LRMDA: variants seen among roughly 807,000 people sequenced by gnomAD.
The protein encoded by LRMDA is leucine rich melanocyte differentiation associated.
In LRMDA, 18 loss-of-function variants were observed where a neutral mutation model predicts 29.8. The observed-to-expected ratio is 0.60, with a 90% CI of 0.42 to 0.90. The LOEUF is 0.90. Among genes scored for constraint, LRMDA ranks in the 40% least tolerant of loss-of-function variants. The pLI is 0.00. For missense variants in LRMDA, 273 were observed against 273.9 expected (o/e 1.00, Z 0.02); for synonymous variants, 125 against 109.4 (o/e 1.14, Z -0.89).
chr10:75,450,059 G>A (rs1844442466), intron 2 of LRMDA: 1 of 152,152 alleles, frequency 6.6e-6, no homozygotes, highest in African/African-American at 2.4e-5. Context: ...AAAGGGGAGC[G>A]ATTATGCTTT....
At chr10:75,648,185 C>A (rs1314036844) in intron 2 of LRMDA, among the ~76,000 whole-genome samples, 1 of 152,146 alleles carries the variant, frequency 6.6e-6, no homozygotes, top group Non-Finnish European at 1.5e-5. Flanking sequence ...AGGGGCTGTT[C>A]TCTTTATTTA....
chr10:75,630,691 AACAT>A (rs772174976), intron 2 of LRMDA, among the ~76,000 whole-genome samples: 1 of 152,238 alleles, frequency 6.6e-6, no homozygotes, highest in African/African-American at 2.4e-5. Flanking sequence ...AGATTTCATA[AACAT>A]ACATATATAT....
At chr10:75,641,423 C>T (rs1055060580) in intron 2 of LRMDA, among the ~76,000 whole-genome samples, 1 of 138,614 alleles carries the variant, frequency 7.2e-6, no homozygotes, top group African/African-American at 2.5e-5. Context: ...TATATATATA[C>T]AGATATTATT....
intron 2 of LRMDA, among the ~76,000 whole-genome samples, chr10:75,553,407 A>G (rs763316943): frequency 3.9e-5 from 6 of 152,190 alleles, no homozygotes; most frequent in Non-Finnish European, 5.9e-5. Context: ...ACTCTAGAGA[A>G]TGGGTCTCTC....
chr10:76,072,055 T>C (rs1177285308), intron 5 of LRMDA, among the ~76,000 whole-genome samples: 8 of 152,214 alleles, frequency 5.3e-5, no homozygotes, highest in Non-Finnish European at 1.2e-4. Flanking sequence ...AAAATAGCTT[T>C]TTATTAAAAT....
At chr10:76,186,997 A>G (rs1263952787) in intron 5 of LRMDA, among the ~76,000 whole-genome samples, 1 of 152,180 alleles carries the variant, frequency 6.6e-6, no homozygotes, top group Non-Finnish European at 1.5e-5. Flanking sequence ...ATTTGATTCA[A>G]CAGTTATTTA....
chr10:75,624,018 G>A (rs80342605), intron 2 of LRMDA, among the ~76,000 whole-genome samples: 4,559 of 152,118 alleles, frequency 0.03, 163 homozygotes, highest in African/African-American at 0.078. Flanking sequence ...GGGAATATAC[G>A]GAGCAAAATT....
At chr10:75,797,550 C>T (rs1843673746) in intron 2 of LRMDA, among the ~76,000 whole-genome samples, 1 of 152,176 alleles carries the variant, frequency 6.6e-6, no homozygotes, top group African/African-American at 2.4e-5. Flanking sequence ...CCGTCACTCT[C>T]TATTCCTACC....
At position 75,454,808 on chromosome 10, in the gene LRMDA, C is replaced by A. The variant is rs1338410535; in HGVS notation, c.131+16314C>A. Among the ~76,000 whole-genome samples the A allele has an allele frequency of 2.0e-5, 3 of 152,090 alleles. 1 individual carries two copies. The highest frequency in any genetic ancestry group is 2.0e-4 in the Admixed American group (3 of 15,268). On this transcript the variant is annotated intron_variant, in intron 2 of 6. Coordinates refer to ENST00000611255, the MANE Select transcript of LRMDA (RefSeq NM_001305581.2). ...TCAATTCTTTCAGGCTGGGCTTTGG[C>A]AAGAAAAAAATCAGCCTTACCTGGG...
In LRMDA at chr10:75,962,142, G is replaced by T. The variant is rs145798209; in HGVS notation, c.132-73866G>T. On this transcript the variant is annotated intron_variant, in intron 2 of 6. Transcript: ENST00000611255. Reference sequence around the variant, plus strand: ...TAAGGTTACATTCTGAGGTACCAGGGGTTAGGACTTCAATACATGAATTTC... The same window carrying T: ...TAAGGTTACATTCTGAGGTACCAGGTGTTAGGACTTCAATACATGAATTTC... Among the ~76,000 whole-genome samples, 548 of 152,228 alleles carry T rather than the reference G, an allele frequency of 3.6e-3. 3 individuals are homozygous for T. Among genetic ancestry groups the T allele is most frequent in the African/African-American group, 0.012 (518 of 41,542 alleles).
chr10:76,312,765 T>C (rs1475612231), intron 5 of LRMDA, among the ~76,000 whole-genome samples: 2 of 151,660 alleles, frequency 1.3e-5, no homozygotes, highest in African/African-American at 4.8e-5. Flanking sequence ...CCAGAAGGGA[T>C]CTCAGTAGTG....
chr10:75,912,309 C>T (rs1443176465), intron 2 of LRMDA, among the ~76,000 whole-genome samples: 2 of 152,142 alleles, frequency 1.3e-5, no homozygotes, highest in Non-Finnish European at 2.9e-5. Flanking sequence ...TCTTCACATG[C>T]CTTTGATTGA....
At chr10:75,461,016 G>T (rs550256656) in intron 2 of LRMDA, among the ~76,000 whole-genome samples, 1 of 152,138 alleles carries the variant, frequency 6.6e-6, no homozygotes, top group Non-Finnish European at 1.5e-5. Flanking sequence ...TGAAGCCCTC[G>T]TAAGGGAAAA....
intron 4 of LRMDA, among the ~76,000 whole-genome samples, chr10:76,049,179 A>T (rs1015332702): frequency 9.9e-5 from 15 of 151,976 alleles, no homozygotes. Flanking sequence ...TAGCCTGGGC[A>T]CCCTCCAAGC....
rs1589308651 is a variant in LRMDA, at chr10:76,059,933, AAATT to A, written c.516+1155_516+1158del. Among the ~76,000 whole-genome samples, 4 of 152,332 alleles carry A rather than the reference AAATT, an allele frequency of 2.6e-5. No individual in the cohort carries two copies. In the East Asian group the frequency reaches 7.7e-4, roughly 29 times the overall value. ...ATTGTTACCTCTTTCAGCATGTGGG[AAATT>A]AATTGAGTGATTCATTTCATAGCTA... On this transcript the variant is annotated intron_variant, in intron 5 of 6. Transcript: ENST00000611255.
chr10:75,723,105 A>G (rs1842588247), intron 2 of LRMDA, among the ~76,000 whole-genome samples: 1 of 152,350 alleles, frequency 6.6e-6, no homozygotes, highest in South Asian at 2.1e-4. Flanking sequence ...TGTGCCCATT[A>G]TGGTGTTACT....
chr10:76,384,943 C>A (rs183738514), intron 6 of LRMDA, among the ~76,000 whole-genome samples: 3 of 152,160 alleles, frequency 2.0e-5, no homozygotes, highest in Non-Finnish European at 1.5e-5. Flanking sequence ...CAGTTCCAGA[C>A]GGCATGCTGA....
intron 5 of LRMDA, among the ~76,000 whole-genome samples, chr10:76,315,786 G>C (rs1263392278): frequency 6.6e-6 from 1 of 151,960 alleles, no homozygotes; most frequent in Non-Finnish European, 1.5e-5. Flanking sequence ...CGGGCTGCCA[G>C]TGCCGGGTGG....
At chr10:75,904,666 C>T (rs934592357) in intron 2 of LRMDA, among the ~76,000 whole-genome samples, 11 of 152,216 alleles carry the variant, frequency 7.2e-5, no homozygotes, top group Non-Finnish European at 1.5e-4. Context: ...GCCACCAGCA[C>T]TTATCATTAA....
Sources: allele counts gnomAD v4.1 joint callset (sites outside exome capture counted in the v4.1 genomes callset), GRCh38; gene constraint gnomAD v4.1.1; transcripts MANE v1.5; gene names NCBI Gene and HGNC (gene_info 2026-07-23, HGNC 2026-07-21).